The following UNC13B variants were observed in gnomAD, a reference collection of about 807,000 sequenced individuals.
UNC13B encodes the protein protein unc-13 homolog B.
In UNC13B, 144 loss-of-function variants were observed where a neutral mutation model predicts 211.0. The observed-to-expected ratio is 0.68, with a 90% CI of 0.60 to 0.78. The LOEUF (loss-of-function observed/expected upper bound fraction) is 0.78, where lower values mean the gene tolerates loss of function less well. Among genes scored for constraint, UNC13B ranks in the 30% least tolerant of loss-of-function variants. The pLI, the probability that UNC13B is intolerant of heterozygous loss-of-function variation, is 0.00. For missense variants in UNC13B, 1,777 were observed against 2,002.0 expected, an observed-to-expected ratio of 0.89 and a Z score of 2.14; for synonymous variants, 709 against 725.8, an observed-to-expected ratio of 0.98 and a Z score of 0.37.
chr9:35,177,523 A>T (rs1821703972), intron 1 of UNC13B, among the ~76,000 whole-genome samples: 1 of 152,234 alleles, frequency 6.6e-6, no homozygotes, highest in Non-Finnish European at 1.5e-5. Context: ...GTACCTTCAT[A>T]AAGTTGATGA....
chr9:35,235,142 C>A (rs1430728417), intron 3 of UNC13B, among the ~76,000 whole-genome samples: 1 of 152,128 alleles, frequency 6.6e-6, no homozygotes, highest in Non-Finnish European at 1.5e-5. Flanking sequence ...GATATTCAAC[C>A]ATGTATGATA....
At chr9:35,229,899 G>C (rs1825100520) in intron 2 of UNC13B, among the ~76,000 whole-genome samples, 1 of 152,142 alleles carries the variant, frequency 6.6e-6, no homozygotes, top group Non-Finnish European at 1.5e-5. Flanking sequence ...ATCATGTTAA[G>C]CAATGTTTGC....
intron 3 of UNC13B, 111 bp from the exon 4 acceptor site, chr9:35,236,358 C>T: frequency 3.4e-6 from 3 of 890,692 alleles, no homozygotes; most frequent in African/African-American, 1.7e-5. Context: ...TTGATTTTTC[C>T]TGAAGACAGG....
chr9:35,375,069 C>G, intron 13 of UNC13B, 58 bp from the exon 14 acceptor site: 9 of 1,596,434 alleles, frequency 5.6e-6, no homozygotes, highest in Non-Finnish European at 7.7e-6. Flanking sequence ...AGCTCCCTCC[C>G]CCAGACTTTG....
chr9:35,328,646 TCC>T (rs1831170861), intron 11 of UNC13B, among the ~76,000 whole-genome samples: 2 of 83,920 alleles, frequency 2.4e-5, no homozygotes, highest in African/African-American at 5.0e-5. Flanking sequence ...CTTCCTTCCT[TCC>T]TTCCTTCCTT....
At chr9:35,209,142 G>T (rs887668630) in intron 1 of UNC13B, among the ~76,000 whole-genome samples, 21 of 152,168 alleles carry the variant, frequency 1.4e-4, no homozygotes, top group Admixed American at 6.5e-5. Context: ...ACGGCTCACT[G>T]CAGTCTCCGC....
intron 24 of UNC13B, among the ~76,000 whole-genome samples, chr9:35,389,264 G>T (rs558045493): frequency 6.6e-6 from 1 of 152,210 alleles, no homozygotes; most frequent in Non-Finnish European, 1.5e-5. Context: ...ATCTTATCTA[G>T]TTAGGCAGAT....
chr9:35,401,024 A>C (rs77741880), intron 37 of UNC13B, among the ~76,000 whole-genome samples: 3,570 of 152,246 alleles, frequency 0.023, 134 homozygotes, highest in African/African-American at 0.081. Flanking sequence ...AGTGACTTTC[A>C]GTCCTCAGAA....
intron 11 of UNC13B, among the ~76,000 whole-genome samples, chr9:35,354,783 G>A (rs1169370305): frequency 2.0e-5 from 3 of 152,200 alleles, no homozygotes; most frequent in Admixed American, 1.3e-4. Context: ...GCACTTGTAC[G>A]TTGCTGGTGG....
At chr9:35,239,794 G>C (rs554927492) in intron 5 of UNC13B, among the ~76,000 whole-genome samples, 4 of 152,172 alleles carry the variant, frequency 2.6e-5, no homozygotes, top group Non-Finnish European at 5.9e-5. Context: ...TATTTCTCCT[G>C]TTTGCTTTTG....
chr9:35,371,684 A>G (rs140029769), intron 13 of UNC13B, among the ~76,000 whole-genome samples: 2 of 151,268 alleles, frequency 1.3e-5, no homozygotes, highest in East Asian at 3.9e-4. Flanking sequence ...ATTTCTTGCT[A>G]TCCCTCTCTG....
At chr9:35,386,332 G>C in intron 24 of UNC13B, 39 bp downstream of exon 24, 1 of 1,610,506 alleles carries the variant, frequency 6.2e-7, no homozygotes, top group Non-Finnish European at 8.5e-7. Flanking sequence ...GCTGTCAGTG[G>C]CTCTTTGGAG....
At chr9:35,204,205 A>C (rs1177967342) in intron 1 of UNC13B, among the ~76,000 whole-genome samples, 1 of 152,250 alleles carries the variant, frequency 6.6e-6, no homozygotes, top group Non-Finnish European at 1.5e-5. Flanking sequence ...GCAGGAGTTG[A>C]GGCTTGGGAG....
chr9:35,189,691 CAG>C (rs1470361106), intron 1 of UNC13B, among the ~76,000 whole-genome samples: 1 of 152,126 alleles, frequency 6.6e-6, no homozygotes, highest in East Asian at 1.9e-4. Context: ...TTTTTTGAGA[CAG>C]AGTTTCACTC....
At chr9:35,203,715 C>G (rs72725003) in intron 1 of UNC13B, among the ~76,000 whole-genome samples, 1 of 152,102 alleles carries the variant, frequency 6.6e-6, no homozygotes, top group East Asian at 1.9e-4. Flanking sequence ...TTCTAACAGC[C>G]TGCATTCATA....
chr9:35,401,003 G>A (rs1365479471), intron 37 of UNC13B, among the ~76,000 whole-genome samples: 5 of 152,250 alleles, frequency 3.3e-5, no homozygotes, highest in East Asian at 1.9e-4. Context: ...CCAGGAAGCC[G>A]GTTTTCTCCC....
intron 1 of UNC13B, among the ~76,000 whole-genome samples, chr9:35,200,363 T>A (rs994847863): frequency 3.3e-5 from 5 of 152,230 alleles, no homozygotes; most frequent in African/African-American, 1.2e-4. Flanking sequence ...TTTTTTCCAA[T>A]TCTGTGAAGA....
At chr9:35,297,545 G>GTTTTTTTTTTTTTTTTT (rs1344936605) in intron 8 of UNC13B, among the ~76,000 whole-genome samples, 1 of 107,138 alleles carries the variant, frequency 9.3e-6, no homozygotes, top group African/African-American at 4.0e-5. Flanking sequence ...CACATACTTT[G>GTTTTTTTTTTTTTTTTT]TCTTTTTTTT....
intron 6 of UNC13B, among the ~76,000 whole-genome samples, chr9:35,255,593 A>G (rs1826833766): frequency 6.6e-6 from 1 of 152,100 alleles, no homozygotes; most frequent in Non-Finnish European, 1.5e-5. Flanking sequence ...CGGAGATGGA[A>G]TCATAGCAGG....
Sources: allele counts gnomAD v4.1 joint callset (sites outside exome capture counted in the v4.1 genomes callset), GRCh38; gene constraint gnomAD v4.1.1; transcripts MANE v1.5; gene names NCBI Gene and HGNC (gene_info 2026-07-23, HGNC 2026-07-21).